The following TIAM2 variants were observed in gnomAD, a reference collection of about 807,000 sequenced individuals.
TIAM2 encodes the protein TIAM Rac1 associated GEF 2, also known as rho guanine nucleotide exchange factor TIAM2.
TIAM2 carries 80 observed loss-of-function variants against 152.9 expected under a neutral mutation model. The ratio of observed to expected loss-of-function variants is 0.52; its 90% CI spans 0.44 to 0.63. TIAM2 has a LOEUF of 0.63. Ranked by LOEUF, TIAM2 falls within the 30% of genes least tolerant of loss-of-function variation. The probability of loss-of-function intolerance (pLI) is 0.00; values close to 1 mark genes in which losing one functional copy is unlikely to be tolerated. For missense variants in TIAM2, 1,965 were observed against 2,120.1 expected (o/e 0.93, Z 1.44); for synonymous variants, 804 against 838.0 (o/e 0.96, Z 0.70).
intron 2 of TIAM2, among the ~76,000 whole-genome samples, chr6:155,120,293 C>T (rs567014661): frequency 1.3e-5 from 2 of 152,328 alleles, no homozygotes; most frequent in African/African-American, 4.8e-5. Context: ...CAAAGACGAC[C>T]AGTGAGGCCC....
At chr6:155,038,321 G>A (rs1035730799) in intron 1 of TIAM2, among the ~76,000 whole-genome samples, 6 of 152,214 alleles carry the variant, frequency 3.9e-5, no homozygotes, top group Non-Finnish European at 7.3e-5. Flanking sequence ...CCTTCCCCCA[G>A]ATGGGATGCC....
chr6:155,193,804 T>C (rs1781266795), intron 14 of TIAM2, among the ~76,000 whole-genome samples: 1 of 152,162 alleles, frequency 6.6e-6, no homozygotes, highest in South Asian at 2.1e-4. Flanking sequence ...AATGTAAGAG[T>C]GTGGCAATGA....
intron 1 of TIAM2, among the ~76,000 whole-genome samples, 176 bp from the exon 2 acceptor site, chr6:155,090,113 A>G (rs2114978771): frequency 6.6e-6 from 1 of 152,328 alleles, no homozygotes; most frequent in South Asian, 2.1e-4. Context: ...AGGATGTGGG[A>G]AGACCTTTTT....
At chr6:155,059,089 A>G (rs1777511053) in intron 1 of TIAM2, among the ~76,000 whole-genome samples, 1 of 152,190 alleles carries the variant, frequency 6.6e-6, no homozygotes, top group African/African-American at 2.4e-5. Flanking sequence ...ACTAAGCCCC[A>G]TACTATTTGG....
At chr6:155,231,156 T>C (rs984203129) in intron 15 of TIAM2, among the ~76,000 whole-genome samples, 2 of 152,194 alleles carry the variant, frequency 1.3e-5, no homozygotes, top group Non-Finnish European at 2.9e-5. Context: ...TTTCTTCCCT[T>C]ACCAGTAAAT....
In TIAM2 at chr6:155,254,439, A is replaced by G. The variant is rs775162854; in HGVS notation, c.4334A>G (p.Asn1445Ser). The change falls in exon 26 of 27, where the codon AAC (asparagine) becomes AGC (serine). Residue 1445 changes from asparagine to serine, a missense_variant. Around this residue, in one of 3 missense-constraint regions of TIAM2, gnomAD observed 935 missense variants for 980.0 expected, o/e 0.95. Transcript: ENST00000682666. Reference protein sequence around the residue: ...LCCSDSESKTNIVKVIRSILR... With the variant: ...LCCSDSESKTSIVKVIRSILR... Reference sequence around the variant, plus strand: ...CCCAGTGACAGTGAAAGCAAAACCAACATTGTTAAGGTGATTCGTTCTATT... The same window carrying G: ...CCCAGTGACAGTGAAAGCAAAACCAGCATTGTTAAGGTGATTCGTTCTATT... 1 of 1,613,096 alleles carries G rather than the reference A, an allele frequency of 6.2e-7. No individual in the cohort carries two copies. The highest frequency in any genetic ancestry group is 8.5e-7 in the Non-Finnish European group (1 of 1,179,112).
At chr6:155,068,205 G>A (rs1383177341) in intron 1 of TIAM2, among the ~76,000 whole-genome samples, 1 of 152,092 alleles carries the variant, frequency 6.6e-6, no homozygotes, top group African/African-American at 2.4e-5. Flanking sequence ...TTCACATTTG[G>A]CGTGTGTGTC....
At chr6:155,022,120 C>T (rs1044777349) in intron 1 of TIAM2, among the ~76,000 whole-genome samples, 10 of 152,168 alleles carry the variant, frequency 6.6e-5, no homozygotes, top group African/African-American at 2.2e-4. Flanking sequence ...TGAACTCACT[C>T]GTCCTGATAT....
At chr6:155,157,982 G>A (rs1346123024) in intron 7 of TIAM2, among the ~76,000 whole-genome samples, 11 of 152,148 alleles carry the variant, frequency 7.2e-5, no homozygotes, top group Non-Finnish European at 1.6e-4. Flanking sequence ...ACTTTAGCTG[G>A]TTGTTCTAAA....
At chr6:155,069,592 G>A (rs1426328573) in intron 1 of TIAM2, among the ~76,000 whole-genome samples, 1 of 150,412 alleles carries the variant, frequency 6.6e-6, no homozygotes, top group Non-Finnish European at 1.5e-5. Context: ...ATAAGAAGTA[G>A]ACATAAGGAA....
chr6:155,088,424 A>C (rs1295237128), intron 1 of TIAM2, among the ~76,000 whole-genome samples: 1 of 152,234 alleles, frequency 6.6e-6, no homozygotes, highest in African/African-American at 2.4e-5. Flanking sequence ...TGTGATAGTC[A>C]AACCTTTCTC....
intron 14 of TIAM2, among the ~76,000 whole-genome samples, chr6:155,198,912 G>T (rs1781415885): frequency 6.6e-6 from 1 of 152,100 alleles, no homozygotes; most frequent in African/African-American, 2.4e-5. Flanking sequence ...ACATGCCCCA[G>T]CTCTGGAGTC....
chr6:155,164,133 G>GGTTTTTTTTTTTTT (rs1486476778), intron 7 of TIAM2, among the ~76,000 whole-genome samples: 2 of 118,006 alleles, frequency 1.7e-5, no homozygotes, highest in Admixed American at 1.2e-4. Flanking sequence ...TAATTTTTGT[G>GGTTTTTTTTTTTTT]TTTTTTTTTT....
intron 1 of TIAM2, among the ~76,000 whole-genome samples, chr6:155,021,663 T>C (rs1333179014): frequency 6.6e-6 from 1 of 152,202 alleles, no homozygotes; most frequent in East Asian, 1.9e-4. Flanking sequence ...TCTGGTTTCT[T>C]TACCTCTGCA....
chr6:155,142,988 G>A (rs543477114), intron 5 of TIAM2, among the ~76,000 whole-genome samples: 5 of 152,306 alleles, frequency 3.3e-5, no homozygotes, highest in Admixed American at 6.5e-5. Flanking sequence ...TTTTCAAAAC[G>A]TCTGAACTTT....
At chr6:155,233,213 A>G (rs1240745062) in intron 15 of TIAM2, among the ~76,000 whole-genome samples, 1 of 152,222 alleles carries the variant, frequency 6.6e-6, no homozygotes, top group Non-Finnish European at 1.5e-5. Context: ...AAAGATTCCA[A>G]AACGCACAGG....
At chr6:155,067,115 G>A (rs973916930) in intron 1 of TIAM2, among the ~76,000 whole-genome samples, 1 of 152,140 alleles carries the variant, frequency 6.6e-6, no homozygotes. Flanking sequence ...CTTGAAGAGG[G>A]TCTTTGTGGT....
At chr6:155,188,402 T>C (rs1257008495) in intron 14 of TIAM2, among the ~76,000 whole-genome samples, 3 of 152,374 alleles carry the variant, frequency 2.0e-5, no homozygotes, top group African/African-American at 7.2e-5. Context: ...GAAGTTCCTC[T>C]GTTGCCTACA....
At chr6:155,187,522 C>A (rs1321016776) in intron 14 of TIAM2, among the ~76,000 whole-genome samples, 2 of 150,992 alleles carry the variant, frequency 1.3e-5, no homozygotes, top group Non-Finnish European at 2.9e-5. Flanking sequence ...GTGGGTGCAC[C>A]TCCTGCAAGA....
Sources: gnomAD v4.1 joint callset for allele counts (sites outside exome capture counted in the v4.1 genomes callset) on GRCh38, gnomAD v4.1.1 for gene constraint, gnomAD v4.1.1 regional missense constraint, MANE v1.5 for transcripts, NCBI Gene and HGNC (gene_info 2026-07-23, HGNC 2026-07-21) for gene names.